The following RBFOX1 variants were observed in gnomAD, a reference collection of about 807,000 sequenced individuals.
The protein encoded by RBFOX1 is RNA binding fox-1 homolog 1.
A neutral mutation model predicts 57.7 loss-of-function variants in RBFOX1; 8 were observed. The observed-to-expected ratio is 0.14, with a 90% CI of 0.08 to 0.25. The LOEUF is 0.25. Ranked by LOEUF, RBFOX1 falls within the 10% of genes least tolerant of loss-of-function variation. The pLI, the probability that RBFOX1 is intolerant of heterozygous loss-of-function variation, is 1.00. For missense variants in RBFOX1, 611 were observed against 548.5 expected (o/e 1.11, Z -1.14); for synonymous variants, 326 against 222.4 (o/e 1.47, Z -4.15).
At chr16:5,989,452 G>A (rs1341994350) in intron 4 of RBFOX1, among the ~76,000 whole-genome samples, 1 of 152,174 alleles carries the variant, frequency 6.6e-6, no homozygotes, top group Non-Finnish European at 1.5e-5. Context: ...AATGTTGAAT[G>A]TGTACTGTCA....
intron 4 of RBFOX1, among the ~76,000 whole-genome samples, chr16:7,218,174 T>A (rs2092403286): frequency 6.6e-6 from 1 of 152,198 alleles, no homozygotes; most frequent in Admixed American, 6.5e-5. Context: ...CCTATGATCC[T>A]TTGCCTGAGT....
chr16:6,800,245 C>T (rs1393949201), intron 3 of RBFOX1, among the ~76,000 whole-genome samples: 1 of 145,958 alleles, frequency 6.9e-6, no homozygotes, highest in Non-Finnish European at 1.5e-5. Context: ...CCAAGACTGT[C>T]CCAGTTTTAG....
At chr16:7,147,318 T>G (rs1369909690) in intron 4 of RBFOX1, among the ~76,000 whole-genome samples, 1 of 151,742 alleles carries the variant, frequency 6.6e-6, no homozygotes, top group East Asian at 2.0e-4. Context: ...TTTTTAATTT[T>G]TTTTTCAACT....
Position 5,398,567 on chromosome 16 carries a change from C to CTTGT in RBFOX1, c.220-68649_220-68648insTTGT, listed in dbSNP as rs370820042. 4.2e-3 allele frequency among the ~76,000 whole-genome samples: 629 copies of CTTGT among 148,888 alleles called. 2 individuals are homozygous for CTTGT. Among genetic ancestry groups the CTTGT allele is most frequent in the African/African-American group, 0.015 (597 of 40,812 alleles). Reference sequence around the variant, plus strand: ...GCACGAGTTCGTGTGTGCATCTGTACGTGTGTGTGTGTGTGTGTGTGTTGG... The same window carrying CTTGT: ...GCACGAGTTCGTGTGTGCATCTGTACTTGTGTGTGTGTGTGTGTGTGTGTGTTGG... On this transcript the variant is annotated intron_variant, in intron 1 of 2. Transcript: ENST00000585867.
intron 2 of RBFOX1, among the ~76,000 whole-genome samples, chr16:5,563,261 T>C (rs896054036): frequency 1.3e-5 from 2 of 152,208 alleles, no homozygotes; most frequent in African/African-American, 4.8e-5. Flanking sequence ...GGCTGTATTA[T>C]TGTATTATTG....
intron 2 of RBFOX1, among the ~76,000 whole-genome samples, chr16:6,428,138 T>C (rs1369759372): frequency 6.6e-6 from 1 of 151,686 alleles, no homozygotes; most frequent in Non-Finnish European, 1.5e-5. Flanking sequence ...CAAAAACACT[T>C]AGCCAAGTGT....
At chr16:6,307,634 A>G (rs2079684226) in intron 1 of RBFOX1, among the ~76,000 whole-genome samples, 1 of 147,944 alleles carries the variant, frequency 6.8e-6, no homozygotes, top group South Asian at 2.1e-4. Context: ...ATATTTTTAT[A>G]AATGATATTT....
intron 5 of RBFOX1, among the ~76,000 whole-genome samples, chr16:7,525,159 A>G (rs553597221): frequency 7.9e-5 from 12 of 152,200 alleles, no homozygotes; most frequent in Non-Finnish European, 1.5e-4. Flanking sequence ...CTCTAATTCA[A>G]TCTTTATATC....
At chr16:7,276,136 T>G (rs1344846459) in intron 4 of RBFOX1, among the ~76,000 whole-genome samples, 1 of 152,222 alleles carries the variant, frequency 6.6e-6, no homozygotes, top group Non-Finnish European at 1.5e-5. Context: ...AAAGAGACCC[T>G]GCAAGGTGGC....
At chr16:6,064,176 C>G (rs568179920) in intron 1 of RBFOX1, among the ~76,000 whole-genome samples, 56 of 152,176 alleles carry the variant, frequency 3.7e-4, no homozygotes, top group Non-Finnish European at 6.2e-4. Flanking sequence ...TATTATAGAG[C>G]CTATTCTTGC....
chr16:7,532,063 C>T (rs1444462598), intron 5 of RBFOX1, among the ~76,000 whole-genome samples: 1 of 151,612 alleles, frequency 6.6e-6, no homozygotes, highest in Non-Finnish European at 1.5e-5. Context: ...TGCATTTTTG[C>T]TTTATATTGT....
chr16:7,011,128 G>T (rs2093634098), intron 3 of RBFOX1, among the ~76,000 whole-genome samples: 1 of 151,294 alleles, frequency 6.6e-6, no homozygotes, highest in Non-Finnish European at 1.5e-5. Context: ...ATCAGGCTGT[G>T]TCTTACATAG....
chr16:5,959,788 G>A (rs1158873185), intron 4 of RBFOX1, among the ~76,000 whole-genome samples: 2 of 152,126 alleles, frequency 1.3e-5, no homozygotes, highest in African/African-American at 2.4e-5. Flanking sequence ...CTCCAGCCTG[G>A]CTGACAGAGC....
intron 4 of RBFOX1, among the ~76,000 whole-genome samples, chr16:7,298,681 A>G (rs2095958347): frequency 6.6e-6 from 1 of 152,236 alleles, no homozygotes; most frequent in Non-Finnish European, 1.5e-5. Flanking sequence ...CGTATTTTGT[A>G]TGTTACATGC....
At chr16:5,724,496 T>G (rs1335397026) in intron 3 of RBFOX1, among the ~76,000 whole-genome samples, 1 of 152,054 alleles carries the variant, frequency 6.6e-6, no homozygotes, top group Admixed American at 6.5e-5. Context: ...ACTGCCAGGG[T>G]TTGAACCCAG....
chr16:6,775,620 C>T (rs570646707), intron 3 of RBFOX1: 2 of 152,268 alleles, frequency 1.3e-5, no homozygotes, highest in African/African-American at 4.8e-5. Context: ...CGAGACAGCC[C>T]TCTCCCTCTC....
chr16:6,585,932 A>G (rs1165293350), intron 2 of RBFOX1, among the ~76,000 whole-genome samples: 1 of 152,222 alleles, frequency 6.6e-6, no homozygotes. Flanking sequence ...TTCTGTATTA[A>G]TTAAAGTGTG....
chr16:6,921,777 G>A (rs1212891021), intron 3 of RBFOX1, among the ~76,000 whole-genome samples: 1 of 144,894 alleles, frequency 6.9e-6, no homozygotes, highest in African/African-American at 2.5e-5. Context: ...GAAGATGTAT[G>A]TTGTATATGC....
chr16:7,162,634 C>G (rs1365086683), intron 4 of RBFOX1, among the ~76,000 whole-genome samples: 3 of 151,202 alleles, frequency 2.0e-5, no homozygotes, highest in African/African-American at 7.3e-5. Flanking sequence ...GAGGCTGAGG[C>G]AGGAGAATGG....
Sources: allele counts gnomAD v4.1 joint callset (sites outside exome capture counted in the v4.1 genomes callset), GRCh38; gene constraint gnomAD v4.1.1; transcripts MANE v1.5; gene names NCBI Gene and HGNC (gene_info 2026-07-23, HGNC 2026-07-21).